Variants in PDCD1LG2 observed in about 807,000 individuals in gnomAD.
PDCD1LG2 encodes programmed cell death 1 ligand 2.
PDCD1LG2 carries 32 observed loss-of-function variants against 28.2 expected under a neutral mutation model. The ratio of observed to expected loss-of-function variants is 1.13; its 90% CI spans 0.86 to 1.52. The LOEUF is 1.52. PDCD1LG2 is among the 40% of genes most tolerant of loss of function. The probability of loss-of-function intolerance (pLI) is 0.00; values close to 1 mark genes in which losing one functional copy is unlikely to be tolerated. For missense variants in PDCD1LG2, 385 were observed against 323.8 expected (o/e 1.19, Z -1.45); for synonymous variants, 116 against 120.2 (o/e 0.97, Z 0.23).
chr9:5,559,831 T>C (rs1232679915), intron 5 of PDCD1LG2, among the ~76,000 whole-genome samples: 1 of 152,192 alleles, frequency 6.6e-6, no homozygotes, highest in Non-Finnish European at 1.5e-5. Context: ...CCAGGATGGT[T>C]TGACTCATGT....
chr9:5,530,759 G>C (rs1329689397), intron 2 of PDCD1LG2, among the ~76,000 whole-genome samples: 1 of 152,212 alleles, frequency 6.6e-6, no homozygotes, highest in African/African-American at 2.4e-5. Context: ...GACTTACTGT[G>C]TTTAAGAAAT....
chr9:5,528,957 G>C (rs12338250), intron 2 of PDCD1LG2, among the ~76,000 whole-genome samples: 1,818 of 152,226 alleles, frequency 0.012, 43 homozygotes, highest in African/African-American at 0.041. Flanking sequence ...TCAAGCTTCT[G>C]ACCTCAAGTG....
chr9:5,555,840 A>C (rs939649667), intron 4 of PDCD1LG2, among the ~76,000 whole-genome samples: 3 of 152,214 alleles, frequency 2.0e-5, no homozygotes, highest in African/African-American at 7.2e-5. Flanking sequence ...GGCCCACTTA[A>C]CTATAGGGGA....
intron 5 of PDCD1LG2, among the ~76,000 whole-genome samples, 169 bp from the exon 6 acceptor site, chr9:5,562,993 C>G (rs1271085869): frequency 6.6e-6 from 1 of 152,202 alleles, no homozygotes; most frequent in East Asian, 1.9e-4. Context: ...TGCCTAGGGG[C>G]CAGATTTTGC....
intron 3 of PDCD1LG2, among the ~76,000 whole-genome samples, chr9:5,539,803 G>A (rs1322615608): frequency 6.6e-6 from 1 of 152,154 alleles, no homozygotes; most frequent in Non-Finnish European, 1.5e-5. Context: ...CAGGGGGATG[G>A]GAAGAGCCAA....
chr9:5,537,708 A>G (rs1437600093), intron 3 of PDCD1LG2, among the ~76,000 whole-genome samples: 1 of 152,218 alleles, frequency 6.6e-6, no homozygotes, highest in Non-Finnish European at 1.5e-5. Context: ...GGAGGGGAAC[A>G]TCACACACTG....
chr9:5,554,740 C>A (rs1816403680), intron 4 of PDCD1LG2, among the ~76,000 whole-genome samples: 1 of 152,198 alleles, frequency 6.6e-6, no homozygotes. Context: ...CCTTGTAGGG[C>A]TGGCAGAAAA....
chr9:5,560,733 C>A (rs1465683564), intron 5 of PDCD1LG2, among the ~76,000 whole-genome samples: 1 of 151,256 alleles, frequency 6.6e-6, no homozygotes, highest in Non-Finnish European at 1.5e-5. Context: ...AAAGAAGCAG[C>A]AGGCTTGGTC....
intron 3 of PDCD1LG2, 111 bp from the exon 4 acceptor site, chr9:5,549,224 A>T: frequency 9.9e-7 from 1 of 1,013,464 alleles, no homozygotes; most frequent in South Asian, 1.6e-5. Flanking sequence ...GATAACCATT[A>T]TTACTTAATA....
At chr9:5,543,422 G>A (rs1017223020) in intron 3 of PDCD1LG2, among the ~76,000 whole-genome samples, 4 of 151,636 alleles carry the variant, frequency 2.6e-5, no homozygotes, top group African/African-American at 7.3e-5. Flanking sequence ...ACCTGCAGTC[G>A]CAGCTACTCG....
chr9:5,557,872 C>T (rs1816478405), intron 5 of PDCD1LG2, 120 bp downstream of exon 5: 6 of 1,210,712 alleles, frequency 5.0e-6, no homozygotes, highest in Non-Finnish European at 7.0e-6. Flanking sequence ...AGCTTATGAA[C>T]CACTTTGAGC....
chr9:5,527,752 C>G (rs935008900), intron 2 of PDCD1LG2, among the ~76,000 whole-genome samples: 2 of 152,026 alleles, frequency 1.3e-5, no homozygotes, highest in African/African-American at 4.8e-5. Flanking sequence ...AGTGGCTGTA[C>G]CATTTTTTCA....
intron 1 of PDCD1LG2, among the ~76,000 whole-genome samples, chr9:5,517,841 C>G (rs112199946): frequency 3.3e-5 from 5 of 152,242 alleles, no homozygotes; most frequent in African/African-American, 1.2e-4. Context: ...AAGATGACTC[C>G]AAGGTTCTTG....
At chr9:5,531,166 A>G (rs1481737358) in intron 2 of PDCD1LG2, among the ~76,000 whole-genome samples, 2 of 152,206 alleles carry the variant, frequency 1.3e-5, no homozygotes, top group Non-Finnish European at 2.9e-5. Flanking sequence ...GGTGATTCCA[A>G]TGTTAGCCAA....
chr9:5,530,860 C>T (rs781393703), intron 2 of PDCD1LG2, among the ~76,000 whole-genome samples: 8 of 152,262 alleles, frequency 5.3e-5, no homozygotes, highest in South Asian at 2.1e-4. Context: ...TGCAAATCAC[C>T]GTGACCTTCT....
At chr9:5,516,089 T>C (rs1820156370) in intron 1 of PDCD1LG2, among the ~76,000 whole-genome samples, 1 of 151,968 alleles carries the variant, frequency 6.6e-6, no homozygotes, top group Non-Finnish European at 1.5e-5. Context: ...TCTCACTCTG[T>C]CACCAGGGCT....
chr9:5,526,018 G>A (rs1820371357), intron 2 of PDCD1LG2, among the ~76,000 whole-genome samples: 1 of 146,420 alleles, frequency 6.8e-6, no homozygotes, highest in Non-Finnish European at 1.5e-5. Context: ...CTGCACTCTA[G>A]CCTGGGCGAC....
intron 3 of PDCD1LG2, among the ~76,000 whole-genome samples, chr9:5,544,235 G>C (rs188869497): frequency 2.1e-4 from 32 of 152,266 alleles, no homozygotes; most frequent in African/African-American, 2.2e-4. Flanking sequence ...AAGCCAAACA[G>C]AGAACAGGGA....
intron 2 of PDCD1LG2, among the ~76,000 whole-genome samples, chr9:5,533,045 G>A (rs1025845276): frequency 6.6e-5 from 10 of 152,144 alleles, no homozygotes; most frequent in Admixed American, 2.0e-4. Context: ...ATGCTCTTCC[G>A]TATCACATTT....
Sources: gnomAD v4.1 joint callset for allele counts (sites outside exome capture counted in the v4.1 genomes callset) on GRCh38, gnomAD v4.1.1 for gene constraint, MANE v1.5 for transcripts, NCBI Gene and HGNC (gene_info 2026-07-23, HGNC 2026-07-21) for gene names.